Variants in SP110 observed in about 807,000 individuals in gnomAD.
SP110 encodes the protein SP110 nuclear body protein.
SP110 carries 62 observed loss-of-function variants against 92.7 expected under a neutral mutation model. The ratio of observed to expected loss-of-function variants is 0.67; its 90% CI spans 0.55 to 0.83. The LOEUF (loss-of-function observed/expected upper bound fraction) is 0.83, where lower values mean the gene tolerates loss of function less well. Ranked by LOEUF, SP110 falls within the 40% of genes least tolerant of loss-of-function variation. The pLI is 0.00. For missense variants in SP110, 793 were observed against 863.9 expected (o/e 0.92, Z 1.03); for synonymous variants, 273 against 305.3 (o/e 0.89, Z 1.10).
chr2:230,172,456 A>G (rs2078471630), intron 15 of SP110: 16 of 554,066 alleles, frequency 2.9e-5, no homozygotes, highest in Middle Eastern at 4.9e-4. Context: ...CCTGCCTGCC[A>G]GGCTTGAGTG....
chr2:230,193,272 T>G (rs1029152923), intron 10 of SP110, among the ~76,000 whole-genome samples: 3 of 152,236 alleles, frequency 2.0e-5, no homozygotes, highest in Non-Finnish European at 4.4e-5. Flanking sequence ...CTCTTGAAGA[T>G]AGCAGATATT....
intron 10 of SP110, among the ~76,000 whole-genome samples, chr2:230,193,997 C>G (rs1259010472): frequency 2.6e-5 from 4 of 152,124 alleles, no homozygotes; most frequent in African/African-American, 7.2e-5. Context: ...CAGCAAATGA[C>G]AGAGAGTATG....
At chr2:230,212,638 T>G (rs2044621638) in intron 4 of SP110, 123 bp downstream of exon 4, 7 of 1,332,412 alleles carry the variant, frequency 5.3e-6, no homozygotes, top group Non-Finnish European at 6.5e-6. Context: ...GGGTTGTGTT[T>G]GGGTAGATGG....
chr2:230,198,185 G>A (rs1038370608), intron 10 of SP110, among the ~76,000 whole-genome samples: 6 of 152,132 alleles, frequency 3.9e-5, no homozygotes, highest in African/African-American at 1.4e-4. Context: ...ATGCTGCTTT[G>A]GCCTTCTGGC....
intron 11 of SP110, 98 bp downstream of exon 11, chr2:230,185,893 CCTT>C: frequency 2.0e-6 from 2 of 1,002,584 alleles, no homozygotes; most frequent in Non-Finnish European, 3.2e-6. Context: ...ACGTCTCCCT[CCTT>C]CTACTATTGA....
chr2:230,175,353 A>G (rs1258758097), intron 14 of SP110, among the ~76,000 whole-genome samples: 1 of 151,716 alleles, frequency 6.6e-6, no homozygotes, highest in Admixed American at 6.6e-5. Context: ...ACAAATATCT[A>G]TATCAAAGGT....
chr2:230,172,084 C>G lies in SP110; in HGVS notation c.1797G>C (p.Met599Ile). ...HHVSKTLERQMQPQDQLKCEF... is the reference protein window; with the variant it reads ...HHVSKTLERQIQPQDQLKCEF... ...AACTCACCAGCTGGTCCTGAGGCTG[C>G]ATCTGCCTCTCCAGGGTCTTAGATA... The change falls in exon 16 of 19, where the codon ATG (methionine) becomes ATC (isoleucine). Residue 599 changes from methionine (M) to isoleucine (I), a missense_variant. Physicochemically the swap from Met to Ile is conservative, Grantham distance 10 (BLOSUM62 1). Transcript: ENST00000258381. 6.2e-7 allele frequency: 1 copy of G among 1,605,088 alleles called. No individual in the cohort carries two copies. Among genetic ancestry groups the G allele is most frequent in the Non-Finnish European group, 8.5e-7 (1 of 1,171,610 alleles).
chr2:230,225,111 G>T (rs1371407866), intron 1 of SP110, among the ~76,000 whole-genome samples: 1 of 152,154 alleles, frequency 6.6e-6, no homozygotes, highest in Non-Finnish European at 1.5e-5. Context: ...TGAGAAGGCT[G>T]TCACTCTCCT....
Position 230,211,695 on chromosome 2 carries a change from G to A in SP110, c.668-142C>T, listed in dbSNP as rs1016577444. 4.4e-6 allele frequency: 3 copies of A among 677,038 alleles called. No individual in the cohort carries two copies. Among genetic ancestry groups the A allele is most frequent in the African/African-American group, 3.6e-5 (2 of 56,060 alleles). 41.9% of individuals were successfully genotyped at this position (677,038 alleles called of 1,614,324 possible). A position where few individuals can be genotyped will look rare whatever the true frequency, so the allele number is the denominator to read the frequency against. On this transcript the variant is annotated intron_variant, in intron 5 of 18. Transcript: ENST00000258381. The surrounding 1 kb of genome is among the most constrained non-coding windows in gnomAD (Gnocchi z 4.2). ...GCCTGGGAAAGGATGGCATAGAGTGGGAAAGTAAGCAACCATTCACTCTCA... is the reference window on the plus strand; with the variant it reads ...GCCTGGGAAAGGATGGCATAGAGTGAGAAAGTAAGCAACCATTCACTCTCA...
chr2:230,203,757 GTGTTT>G (rs1387503762), intron 8 of SP110: 1 of 152,094 alleles, frequency 6.6e-6, no homozygotes, highest in East Asian at 1.9e-4. Flanking sequence ...ATCTTTTTAT[GTGTTT>G]TGTTTTGTAA....
chr2:230,177,259 C>T (rs1376117330), intron 14 of SP110: 9 of 456,144 alleles, frequency 2.0e-5, no homozygotes, highest in Non-Finnish European at 3.2e-5. Flanking sequence ...CTGTCTTCAG[C>T]TAGTTTCTTT....
Position 230,200,985 on chromosome 2 carries a change from A to G in SP110, c.1049-20T>C. Reference sequence around the variant, plus strand: ...TGATCTCTGGAAAATGAAAGATCTTAGTAAATGCCCCTTGGGAAACACCAT... The same window carrying G: ...TGATCTCTGGAAAATGAAAGATCTTGGTAAATGCCCCTTGGGAAACACCAT... On this transcript the variant is annotated intron_variant, in intron 9 of 18. Transcript: ENST00000258381. 6.3e-7 allele frequency: 1 copy of G among 1,578,802 alleles called. No individual in the cohort carries two copies. The highest frequency in any genetic ancestry group is 8.7e-7 in the Non-Finnish European group (1 of 1,147,680).
upstream of SP110, chr2:230,221,820 CAAACA>C (rs1174912645): frequency 1.7e-6 from 2 of 1,182,734 alleles, no homozygotes; most frequent in Non-Finnish European, 2.4e-6. Flanking sequence ...GCAAAACAAA[CAAACA>C]AAAGTAAAGC....
intron 18 of SP110, among the ~76,000 whole-genome samples, chr2:230,170,368 C>T (rs547855054): frequency 6.6e-6 from 1 of 152,094 alleles, no homozygotes; most frequent in South Asian, 2.1e-4. Flanking sequence ...TGGGAGCGAG[C>T]TGCCGATCTG....
chr2:230,194,680 A>G (rs939751366), intron 10 of SP110, among the ~76,000 whole-genome samples: 1 of 152,196 alleles, frequency 6.6e-6, no homozygotes, highest in African/African-American at 2.4e-5. Flanking sequence ...ATGACTCCAA[A>G]TCTAATCCAG....
chr2:230,171,984 T>A (rs1418214794), intron 16 of SP110, 82 bp downstream of exon 16: 3 of 916,582 alleles, frequency 3.3e-6, no homozygotes, highest in Non-Finnish European at 3.7e-6. Context: ...CTCCCTTTGG[T>A]ACATTGCCCT....
At chr2:230,173,197 G>C in intron 14 of SP110, 1 of 488,950 alleles carries the variant, frequency 2.0e-6, no homozygotes. Context: ...GCTGTGGCTT[G>C]CCAACAGGTT....
chr2:230,171,076 C>T (rs1042804890), intron 17 of SP110, among the ~76,000 whole-genome samples: 3 of 152,182 alleles, frequency 2.0e-5, no homozygotes, highest in South Asian at 2.1e-4. Flanking sequence ...TGGGAACCCA[C>T]ACAGTTTGGC....
chr2:230,220,128 C>T, upstream of SP110: 2 of 974,008 alleles, frequency 2.1e-6, no homozygotes, highest in Non-Finnish European at 2.4e-6. Context: ...GCTCCCAGGA[C>T]GTCTTGGCAG....
Sources: allele counts gnomAD v4.1 joint callset (sites outside exome capture counted in the v4.1 genomes callset), GRCh38; gene constraint gnomAD v4.1.1; non-coding constraint Gnocchi (gnomAD v3.1); transcripts MANE v1.5; gene names NCBI Gene and HGNC (gene_info 2026-07-23, HGNC 2026-07-21).